Variants in TTC21A observed in about 807,000 individuals in gnomAD.
TTC21A encodes tetratricopeptide repeat protein 21A.
In TTC21A, 128 loss-of-function variants were observed where a neutral mutation model predicts 156.4. The ratio of observed to expected loss-of-function variants is 0.82; its 90% CI spans 0.71 to 0.95. The LOEUF (loss-of-function observed/expected upper bound fraction) is 0.95, where lower values mean the gene tolerates loss of function less well. Ranked by LOEUF, TTC21A falls within the 40% of genes least tolerant of loss-of-function variation. The probability of loss-of-function intolerance (pLI) is 0.00; values close to 1 mark genes in which losing one functional copy is unlikely to be tolerated. For missense variants in TTC21A, 1,435 were observed against 1,602.3 expected (o/e 0.90, Z 1.78); for synonymous variants, 587 against 617.1 (o/e 0.95, Z 0.72).
chr3:39,137,147 C>T (rs752600826), intron 24 of TTC21A, 48 bp from the exon 25 acceptor site: 40 of 1,598,136 alleles, frequency 2.5e-5, no homozygotes, highest in Non-Finnish European at 2.1e-5. Flanking sequence ...GAGGGCCACA[C>T]GGGCAGGCCA....
At position 39,130,212 on chromosome 3, in the gene TTC21A, G is replaced by T. The variant is rs2125841957; in HGVS notation, c.2209-36G>T. ...CCCCAGTCTCCCTTCTCCAGTGGGA[G>T]AGAAGAGGAAGACCCAAAGACACTT... On this transcript the variant is annotated intron_variant, in intron 16 of 28. Coordinates refer to ENST00000683103, the MANE Select transcript of TTC21A (RefSeq NM_001366900.1). This position sits in a 1 kb window ranked among gnomAD's most constrained non-coding sequence, Gnocchi z 4.5. The T allele has an allele frequency of 6.2e-7, 1 of 1,611,990 alleles. No homozygotes were observed.
intron 5 of TTC21A, among the ~76,000 whole-genome samples, chr3:39,112,903 GC>G (rs2036952931): frequency 6.6e-6 from 1 of 152,042 alleles, no homozygotes; most frequent in Admixed American, 6.6e-5. Flanking sequence ...TTCACTCAGT[GC>G]CCTTCTCCCT....
chr3:39,126,384 T>C lies in TTC21A; in HGVS notation c.1516T>C (p.Tyr506His), dbSNP rs2038244458. The C allele has an allele frequency of 6.2e-7, 1 of 1,613,832 alleles. No homozygotes were observed. Among genetic ancestry groups the C allele is most frequent in the Non-Finnish European group, 8.5e-7 (1 of 1,179,944 alleles). ...PLYLMAQVRYYSGELENAQSI... is the reference protein window; with the variant it reads ...PLYLMAQVRYHSGELENAQSI... ...GTATTTGATGGCTCAGGTCAGGTAT[T>C]ACTCAGGTGAGCGGGGGATCCTGAC... Residue 506 changes from tyrosine to histidine, a missense_variant, in exon 12 of 29, where the codon TAC (tyrosine) becomes CAC (histidine). Transcript: ENST00000683103.
intron 7 of TTC21A, chr3:39,118,608 A>G (rs2037488922): frequency 5.9e-6 from 1 of 169,300 alleles, no homozygotes; most frequent in Non-Finnish European, 1.3e-5. Context: ...TTTAGGGGAT[A>G]GTTGGAACTG....
intron 6 of TTC21A, among the ~76,000 whole-genome samples, chr3:39,115,622 G>T (rs1360590294): frequency 1.3e-5 from 2 of 152,182 alleles, no homozygotes; most frequent in Non-Finnish European, 2.9e-5. Flanking sequence ...AGCTGTGATT[G>T]TGTCACTGTG....
intron 19 of TTC21A, among the ~76,000 whole-genome samples, chr3:39,132,001 T>C (rs1043982669): frequency 6.6e-6 from 1 of 152,160 alleles, no homozygotes; most frequent in Admixed American, 6.5e-5. Context: ...GATTTTGTTG[T>C]GTGAACATCA....
At chr3:39,126,594 A>G in intron 12 of TTC21A, among the ~76,000 whole-genome samples, 1 of 148,838 alleles carries the variant, frequency 6.7e-6, no homozygotes, top group Admixed American at 6.7e-5. Flanking sequence ...ACACACACAC[A>G]CACACACATG....
chr3:39,135,025 C>A (rs1182549109), intron 21 of TTC21A, 68 bp from the exon 22 acceptor site: 2 of 1,365,684 alleles, frequency 1.5e-6, no homozygotes, highest in East Asian at 2.3e-5. Flanking sequence ...CCATACCCCC[C>A]GCCTCCCCCT....
rs368323858 is a variant in TTC21A, at chr3:39,138,335, C to A, written c.3744C>A (p.Val1248=). The A allele has an allele frequency of 1.2e-6, 2 of 1,614,164 alleles. No homozygotes were observed. Among genetic ancestry groups the A allele is most frequent in the Non-Finnish European group, 1.7e-6 (2 of 1,180,020 alleles). ...AGGAGCAGTCCTACAAGGATGCAGT[C>A]ACCAACTACAAACTGGCCTGGAAGT... ...MEKEQSYKDA[V]TNYKLAWKYS... is the part of the protein sequence containing the mutation. The change falls in exon 27 of 29, where the codon GTC becomes GTA. Residue 1248 remains valine (V), a synonymous_variant. Transcript: ENST00000683103.
chr3:39,129,207 A>G lies in TTC21A; in HGVS notation c.2032A>G (p.Asn678Asp), dbSNP rs751250059. 1 of 1,614,210 alleles carries G rather than the reference A, an allele frequency of 6.2e-7. No homozygotes were observed. Among genetic ancestry groups the G allele is most frequent in the Non-Finnish European group, 8.5e-7 (1 of 1,180,028 alleles). The change falls in exon 15 of 29, where the codon AAC becomes GAC. Residue 678 changes from asparagine to aspartate, a missense_variant. Transcript: ENST00000683103. Reference protein sequence around the residue: ...NVDVALNMLRNILPKQSCYME... With the variant: ...NVDVALNMLRDILPKQSCYME... ...GGACGTGGCGCTGAACATGCTAAGG[A>G]ACATCTTGCCCAAGCAGTCCTGCTA...
intron 5 of TTC21A, among the ~76,000 whole-genome samples, chr3:39,113,297 C>G (rs1431542119): frequency 1.3e-5 from 2 of 152,182 alleles, no homozygotes; most frequent in African/African-American, 4.8e-5. Flanking sequence ...TTCTGGCTGG[C>G]AGAAAGCAAT....
Position 39,137,261 on chromosome 3 carries a change from T to C in TTC21A, c.3324T>C (p.Phe1108=), listed in dbSNP as rs755245990. The C allele has an allele frequency of 3.7e-5, 60 of 1,613,884 alleles. 4 individuals are homozygous for C. In the Admixed American group the frequency reaches 8.5e-4, roughly 23 times the overall value. The change falls in exon 25 of 29, where the codon TTT becomes TTC. Residue 1108 remains phenylalanine, a synonymous_variant. Coordinates refer to ENST00000683103, the MANE Select transcript of TTC21A (RefSeq NM_001366900.1). ...CCGCCGAGAAACTGCTGCGTGAGTT[T>C]TACCCACATTCAGACTCCAGCCAGA... ...VSTAEKLLRE[F]YPHSDSSQTQ...
intron 21 of TTC21A, 78 bp from the exon 22 acceptor site, chr3:39,135,015 C>G: frequency 1.6e-6 from 2 of 1,260,620 alleles, no homozygotes; most frequent in Non-Finnish European, 2.3e-6. Context: ...ACCATCACCC[C>G]CATACCCCCC....
chr3:39,108,956 T>A, intron 1 of TTC21A, 129 bp from the exon 2 acceptor site: 1 of 1,066,748 alleles, frequency 9.4e-7, no homozygotes. Context: ...GAATGTTTCC[T>A]CTTTCTCTTC....
At chr3:39,121,503 G>GC (rs1055557855) in intron 9 of TTC21A, among the ~76,000 whole-genome samples, 2 of 152,176 alleles carry the variant, frequency 1.3e-5, no homozygotes, top group African/African-American at 4.8e-5. Context: ...GGCTGCCCAG[G>GC]CCGGGGTTGG....
Position 39,137,327 on chromosome 3 carries a change from CA to C in TTC21A, c.3391del (p.Arg1131GlyfsTer16). On this transcript the variant is annotated frameshift_variant, in exon 25 of 29. Transcript: ENST00000683103. LOFTEE classifies it high-confidence loss of function. Reference sequence around the variant, plus strand: ...TGCAGGGCCTCTGCCGGCTGGCCACCAGGGAGAAGGCTAACATGGAGGCTGC... The same window carrying C: ...TGCAGGGCCTCTGCCGGCTGGCCACCGGGAGAAGGCTAACATGGAGGCTGC... ...LLQGLCRLAT[R>X]EKANMEAALG... The C allele has an allele frequency of 4.3e-6, 7 of 1,614,002 alleles. No homozygotes were observed. The highest frequency in any genetic ancestry group is 5.9e-6 in the Non-Finnish European group (7 of 1,179,964).
Position 39,137,704 on chromosome 3 carries a change from C to T in TTC21A, c.3669C>T (p.Tyr1223=), listed in dbSNP as rs1232636770. Residue 1223 remains tyrosine (Y), a synonymous_variant, in exon 26 of 29, where the codon TAC becomes TAT. Coordinates refer to ENST00000683103, the MANE Select transcript of TTC21A (RefSeq NM_001366900.1). ...AACTGCTGCGGCGCTGTGTGCAATACAACAAGGCAAGGAGCCACACACACA... is the reference window on the plus strand; with the variant it reads ...AACTGCTGCGGCGCTGTGTGCAATATAACAAGGCAAGGAGCCACACACACA... ...ALELLRRCVQ[Y]NKSCYKAYEY... 1.2e-6 allele frequency: 2 copies of T among 1,611,360 alleles called. No homozygotes were observed. Among genetic ancestry groups the T allele is most frequent in the Non-Finnish European group, 1.7e-6 (2 of 1,178,962 alleles).
At chr3:39,129,418 G>A (rs936494435) in intron 15 of TTC21A, 108 bp downstream of exon 15, 1 of 829,104 alleles carries the variant, frequency 1.2e-6, no homozygotes, top group Non-Finnish European at 2.0e-6. Flanking sequence ...TGTGTCCTTG[G>A]AGTGTAGTTG....
rs2037625716 is a variant in TTC21A at position 39,120,025 on chromosome 3, G to A, written c.900+5G>A. The A allele has an allele frequency of 6.3e-7, 1 of 1,584,874 alleles. No homozygotes were observed. The highest frequency in any genetic ancestry group is 1.7e-5 in the Admixed American group (1 of 59,886). On this transcript the variant is annotated splice_donor_5th_base_variant and intron_variant, in intron 8 of 28. Transcript: ENST00000683103. ...ATTATTGTGGTTAGCCGACTGGTAA[G>A]AAGGTTCTTTCCTGGTTCTGAAATG...
Sources: gnomAD v4.1 joint callset for allele counts (sites outside exome capture counted in the v4.1 genomes callset) on GRCh38, gnomAD v4.1.1 for gene constraint, Gnocchi (gnomAD v3.1) non-coding constraint, MANE v1.5 for transcripts, NCBI Gene and HGNC (gene_info 2026-07-23, HGNC 2026-07-21) for gene names.